EMCN: variants seen among roughly 807,000 people sequenced by gnomAD.
EMCN encodes the protein endomucin.
In EMCN, 37 loss-of-function variants were observed where a neutral mutation model predicts 38.4. The observed-to-expected ratio is 0.96, with a 90% CI of 0.74 to 1.27. EMCN has a LOEUF of 1.27. EMCN is among the 50% of genes most tolerant of loss of function. EMCN has a pLI of 0.00. For missense variants in EMCN, 318 were observed against 302.8 expected, an observed-to-expected ratio of 1.05 and a Z score of -0.37; for synonymous variants, 95 against 100.8, an observed-to-expected ratio of 0.94 and a Z score of 0.35.
chr4:100,498,139 AAGG>A (rs1314294326), intron 1 of EMCN, among the ~76,000 whole-genome samples: 2 of 152,194 alleles, frequency 1.3e-5, no homozygotes, highest in African/African-American at 4.8e-5. Flanking sequence ...TGGATTCCAA[AAGG>A]AGAAGGAAAG....
intron 1 of EMCN, among the ~76,000 whole-genome samples, chr4:100,509,851 C>T (rs766385446): frequency 2.6e-5 from 4 of 152,188 alleles, no homozygotes; most frequent in East Asian, 1.9e-4. Flanking sequence ...ATTTATGGAA[C>T]GGTTTCCTAT....
At chr4:100,467,529 A>G (rs1728351714) in intron 3 of EMCN, among the ~76,000 whole-genome samples, 1 of 151,998 alleles carries the variant, frequency 6.6e-6, no homozygotes, top group Admixed American at 6.5e-5. Flanking sequence ...ATACAAAAAA[A>G]AAATTAGCCG....
chr4:100,476,162 TCTCCCTCCCTCCCTCC>T (rs142508833), intron 2 of EMCN, among the ~76,000 whole-genome samples: 1 of 147,638 alleles, frequency 6.8e-6, no homozygotes, highest in Non-Finnish European at 1.5e-5. Flanking sequence ...TAATGGTCTT[TCTCCCTCCCTCCCTCC>T]CTCCCTCCCT....
chr4:100,517,820 G>A (rs779272177), intron 1 of EMCN, 31 bp downstream of exon 1: 10 of 1,605,958 alleles, frequency 6.2e-6, no homozygotes, highest in Middle Eastern at 1.7e-4. Context: ...TTTCCAATCC[G>A]TACCACCAGA....
At chr4:100,470,514 C>T (rs1431244321) in intron 3 of EMCN, among the ~76,000 whole-genome samples, 1 of 151,846 alleles carries the variant, frequency 6.6e-6, no homozygotes, top group Non-Finnish European at 1.5e-5. Context: ...AGAAATACCA[C>T]TCAACCTAAC....
At chr4:100,406,000 G>A (rs1726382344) in intron 11 of EMCN, among the ~76,000 whole-genome samples, 1 of 151,950 alleles carries the variant, frequency 6.6e-6, no homozygotes, top group South Asian at 2.1e-4. Context: ...AGGTTTTCTG[G>A]TTTGGGTACA....
intron 1 of EMCN, among the ~76,000 whole-genome samples, chr4:100,489,564 T>G (rs1442180037): frequency 6.6e-6 from 1 of 152,210 alleles, no homozygotes; most frequent in African/African-American, 2.4e-5. Context: ...TACAATGCAT[T>G]ACTGACATGT....
At chr4:100,473,216 A>T (rs1225331556) in intron 3 of EMCN, among the ~76,000 whole-genome samples, 2 of 150,046 alleles carry the variant, frequency 1.3e-5, no homozygotes, top group Admixed American at 1.3e-4. Flanking sequence ...ACACATACTC[A>T]GGGTTTCACC....
At position 100,446,369 on chromosome 4, in the gene EMCN, A is replaced by T. The variant is rs953376652; in HGVS notation, c.415+1164T>A. Reference sequence around the variant, plus strand: ...TTTAATAATGAGATATATGATATAGAAGAAGATAATTATTAAAAGTTAAAA... The same window carrying T: ...TTTAATAATGAGATATATGATATAGTAGAAGATAATTATTAAAAGTTAAAA... On this transcript the variant is annotated intron_variant, in intron 5 of 11. Transcript: ENST00000296420. The T allele has an allele frequency of 2.2e-5, 4 of 179,570 alleles. No individual in the cohort carries two copies. The Admixed American group carries it at 2.6e-4, about 12-fold the overall frequency. The allele number at this position is 179,570 out of a possible 1,614,324, so 11.1% of individuals were successfully genotyped here. A position where few individuals can be genotyped will look rare whatever the true frequency, so the allele number is the denominator to read the frequency against.
chr4:100,476,986 C>G (rs139597950), intron 2 of EMCN, among the ~76,000 whole-genome samples: 228 of 152,102 alleles, frequency 1.5e-3, no homozygotes, highest in African/African-American at 5.4e-3. Context: ...AAATTTTGTT[C>G]TTTATAGTTG....
intron 11 of EMCN, among the ~76,000 whole-genome samples, chr4:100,404,032 C>A (rs988265739): frequency 2.0e-5 from 3 of 152,022 alleles, no homozygotes; most frequent in Admixed American, 2.0e-4. Context: ...TCTGTTTACT[C>A]TGTTGATAGT....
At chr4:100,420,315 T>C (rs1273096617) in intron 8 of EMCN, among the ~76,000 whole-genome samples, 1 of 150,694 alleles carries the variant, frequency 6.6e-6, no homozygotes, top group African/African-American at 2.5e-5. Context: ...TTCATTCTGC[T>C]TGAAGAAGTG....
intron 1 of EMCN, among the ~76,000 whole-genome samples, chr4:100,511,571 G>A (rs2110311312): frequency 6.6e-6 from 1 of 152,194 alleles, no homozygotes; most frequent in South Asian, 2.1e-4. Context: ...CTGCAAACAG[G>A]CAAATAATTG....
intron 11 of EMCN, among the ~76,000 whole-genome samples, chr4:100,407,635 T>C (rs1726431533): frequency 6.6e-6 from 1 of 152,130 alleles, no homozygotes; most frequent in South Asian, 2.1e-4. Context: ...ACCTGCTCAT[T>C]CTCCCTAGCT....
chr4:100,414,501 A>G (rs900554810), intron 10 of EMCN, among the ~76,000 whole-genome samples: 1 of 151,780 alleles, frequency 6.6e-6, no homozygotes, highest in Non-Finnish European at 1.5e-5. Flanking sequence ...TGCCCCCTTC[A>G]GATGGTTCCT....
intron 2 of EMCN, among the ~76,000 whole-genome samples, chr4:100,477,146 A>T (rs1053410666): frequency 6.6e-6 from 1 of 152,218 alleles, no homozygotes; most frequent in African/African-American, 2.4e-5. Context: ...AGAAACTGTT[A>T]GTATCACTGT....
chr4:100,462,568 G>GAT (rs764723810), intron 4 of EMCN, among the ~76,000 whole-genome samples: 74 of 152,046 alleles, frequency 4.9e-4, no homozygotes, highest in Admixed American at 1.9e-3. Context: ...ACACTTTGCA[G>GAT]ATATATATAT....
At chr4:100,496,479 CT>C (rs1177135758) in intron 1 of EMCN, among the ~76,000 whole-genome samples, 1 of 152,066 alleles carries the variant, frequency 6.6e-6, no homozygotes, top group Non-Finnish European at 1.5e-5. Flanking sequence ...TTTTCATATT[CT>C]TTATTATTTT....
chr4:100,451,409 A>T (rs1350463321), intron 4 of EMCN, among the ~76,000 whole-genome samples: 1 of 151,888 alleles, frequency 6.6e-6, no homozygotes, highest in Non-Finnish European at 1.5e-5. Context: ...AGGAATAAAA[A>T]ATATACAAAT....
Sources: gnomAD v4.1 joint callset for allele counts (sites outside exome capture counted in the v4.1 genomes callset) on GRCh38, gnomAD v4.1.1 for gene constraint, MANE v1.5 for transcripts, NCBI Gene and HGNC (gene_info 2026-07-23, HGNC 2026-07-21) for gene names.